The following ABCC11 variants were observed in gnomAD, a reference collection of about 807,000 sequenced individuals.
ABCC11 encodes the protein ATP binding cassette subfamily C member 11.
A neutral mutation model predicts 149.3 loss-of-function variants in ABCC11; 135 were observed. That is an observed-to-expected ratio of 0.90 (90% CI 0.79 to 1.04). The LOEUF (loss-of-function observed/expected upper bound fraction) is 1.04, where lower values mean the gene tolerates loss of function less well. Among genes scored for constraint, ABCC11 ranks in the 50% least tolerant of loss-of-function variants. The pLI, the probability that ABCC11 is intolerant of heterozygous loss-of-function variation, is 0.00. For missense variants in ABCC11, 1,680 were observed against 1,722.1 expected, an observed-to-expected ratio of 0.98 and a Z score of 0.43; for synonymous variants, 665 against 671.4, an observed-to-expected ratio of 0.99 and a Z score of 0.15.
At chr16:48,189,649 G>A (rs1264593810) in intron 20 of ABCC11, among the ~76,000 whole-genome samples, 3 of 152,160 alleles carry the variant, frequency 2.0e-5, no homozygotes, top group African/African-American at 4.8e-5. Context: ...ATGGGCACTG[G>A]ATATTTCTAG....
intron 11 of ABCC11, chr16:48,210,134 C>T (rs1464637887): frequency 1.3e-5 from 2 of 152,084 alleles, no homozygotes; most frequent in Non-Finnish European, 2.9e-5. Flanking sequence ...TGCCATCTCC[C>T]AGGAAACGGA....
At chr16:48,244,864 C>T (rs1971264708) in intron 1 of ABCC11, among the ~76,000 whole-genome samples, 1 of 152,336 alleles carries the variant, frequency 6.6e-6, no homozygotes, top group Admixed American at 6.5e-5. Context: ...CCCTACCGTT[C>T]TGGATAATTT....
rs777737942 is a variant in ABCC11, at chr16:48,196,278, G to A, written c.2358C>T (p.Gly786=). ...GGTGGTAGACCCTCCAACTCAAGGA[G>A]CCTTCTTCCATCTCCTCCTCCTGTG... is the stretch of plus-strand genomic sequence containing the variant. ...QLTQEEEMEE[G]SLSWRVYHHY... is the part of the protein sequence containing the mutation. The change falls in exon 18 of 30, where the codon GGC becomes GGT. Residue 786 remains glycine, a synonymous_variant. Coordinates refer to ENST00000356608, the MANE Select transcript of ABCC11 (RefSeq NM_001370497.1). The A allele has an allele frequency of 6.2e-7, 1 of 1,614,046 alleles. No homozygotes were observed. Among genetic ancestry groups the A allele is most frequent in the Non-Finnish European group, 8.5e-7 (1 of 1,180,038 alleles).
rs1213896040 is a variant in ABCC11, at chr16:48,213,643, T to G, written c.1249-93A>C. The G allele has an allele frequency of 5.3e-6, 5 of 942,362 alleles. No individual in the cohort carries two copies. In the African/African-American group the frequency reaches 8.4e-5, roughly 16 times the overall value. The allele number at this position is 942,362 out of a possible 1,614,324, so 58.4% of individuals were successfully genotyped here. ...GCATCCCTGAGCCACATCCTCAGCA[T>G]CCAACAAGCAGTTGCTTCATCCAAC... On this transcript the variant is annotated intron_variant, in intron 9 of 29. Transcript: ENST00000356608.
At position 48,167,565 on chromosome 16, in the gene ABCC11, C is replaced by T. The variant is rs372637022; in HGVS notation, c.3987G>A (p.Val1329=). Reference sequence around the variant, plus strand: ...TGGTGACACGGTGGGCAATGACGAGCACGGTGCAGCCCTGGAAGGCTTCAC... The same window carrying T: ...TGGTGACACGGTGGGCAATGACGAGTACGGTGCAGCCCTGGAAGGCTTCAC... ...TIREAFQGCT[V]LVIAHRVTTV... is the part of the protein sequence containing the mutation. The change falls in exon 29 of 30, where the codon GTG becomes GTA. Residue 1329 remains valine (V), a synonymous_variant. Coordinates refer to ENST00000356608, the MANE Select transcript of ABCC11 (RefSeq NM_001370497.1). 1,489 of 1,614,148 alleles carry T rather than the reference C, an allele frequency of 9.2e-4. 23 individuals carry two copies. In the South Asian group the frequency reaches 0.016, roughly 17 times the overall value.
chr16:48,224,236 C>G, intron 5 of ABCC11, 46 bp downstream of exon 5: 1 of 1,594,616 alleles, frequency 6.3e-7, no homozygotes. Context: ...ATCGCTAAAC[C>G]TCTGAAGCCT....
At chr16:48,199,924 C>T (rs1274634707) in intron 15 of ABCC11, among the ~76,000 whole-genome samples, 1 of 152,062 alleles carries the variant, frequency 6.6e-6, no homozygotes, top group Admixed American at 6.5e-5. Flanking sequence ...AGTCCTCCTG[C>T]CTTGGCCTCC....
At chr16:48,189,577 G>A (rs555456907) in intron 20 of ABCC11, among the ~76,000 whole-genome samples, 1 of 152,164 alleles carries the variant, frequency 6.6e-6, no homozygotes, top group East Asian at 1.9e-4. Context: ...CACAAAACAC[G>A]TTTTCATGGA....
In ABCC11 at chr16:48,187,311, G is replaced by A; in HGVS notation, c.2823C>T (p.Phe941=). Reference sequence around the variant, plus strand: ...CGATCACCATTAAGGACAGGACCAGGAACTGCTCTGAAAAGATGGGCAAGA... The same window carrying A: ...CGATCACCATTAAGGACAGGACCAGAAACTGCTCTGAAAAGATGGGCAAGA... The part of the protein sequence containing the change: ...DQLLPIFSEQ[F]LVLSLMVIAV... The change falls in exon 21 of 30, where the codon TTC becomes TTT. Residue 941 remains phenylalanine, a synonymous_variant. Transcript: ENST00000356608. 1 of 1,614,174 alleles carries A rather than the reference G, an allele frequency of 6.2e-7. No homozygotes were observed. Among genetic ancestry groups the A allele is most frequent in the Non-Finnish European group, 8.5e-7 (1 of 1,180,036 alleles).
intron 4 of ABCC11, 83 bp from the exon 5 acceptor site, chr16:48,224,512 G>A: frequency 2.0e-6 from 3 of 1,494,900 alleles, no homozygotes; most frequent in Non-Finnish European, 2.7e-6. Flanking sequence ...CAGGAGCTTT[G>A]TTGCAGAAAT....
In ABCC11 at chr16:48,167,594, T is replaced by C. The variant is rs1202056451; in HGVS notation, c.3958A>G (p.Ile1320Val). 6.2e-7 allele frequency: 1 copy of C among 1,612,380 alleles called. No homozygotes were observed. The highest frequency in any genetic ancestry group is 8.5e-7 in the Non-Finnish European group (1 of 1,179,976). The change falls in exon 29 of 30, where the codon ATC becomes GTC. Residue 1320 changes from isoleucine (I) to valine (V), a missense_variant. Ile to Val is a conservative substitution (Grantham distance 29, BLOSUM62 3). Transcript: ENST00000356608. ...GTGCAGCCCTGGAAGGCTTCACGGA[T>C]TGTGCGCTGGATCAGGGTGTCTGTC... Reference protein sequence around the residue: ...METDTLIQRTIREAFQGCTVL... With the variant: ...METDTLIQRTVREAFQGCTVL...
At chr16:48,188,090 T>A (rs903319646) in intron 20 of ABCC11, among the ~76,000 whole-genome samples, 1 of 152,200 alleles carries the variant, frequency 6.6e-6, no homozygotes, top group Non-Finnish European at 1.5e-5. Flanking sequence ...AACTGTCCCT[T>A]AATCTACATG....
chr16:48,238,954 A>AAAAAAC (rs1567296296), intron 1 of ABCC11, among the ~76,000 whole-genome samples: 2 of 150,980 alleles, frequency 1.3e-5, no homozygotes, highest in African/African-American at 4.9e-5. Context: ...AAAAAAAAAA[A>AAAAAAC]AAAAACCATA....
chr16:48,175,583 TA>T (rs1966007937), intron 25 of ABCC11, among the ~76,000 whole-genome samples, 166 bp from the exon 26 acceptor site: 1 of 152,172 alleles, frequency 6.6e-6, no homozygotes. Context: ...CTCCAGGTGA[TA>T]CCTAATGCCA....
intron 28 of ABCC11, among the ~76,000 whole-genome samples, chr16:48,168,525 A>C (rs540179745): frequency 6.6e-6 from 1 of 152,318 alleles, no homozygotes; most frequent in African/African-American, 2.4e-5. Flanking sequence ...GTGAGTATGG[A>C]GAAGGTATGT....
chr16:48,179,342 G>T (rs1966284549), intron 23 of ABCC11, among the ~76,000 whole-genome samples: 1 of 152,212 alleles, frequency 6.6e-6, no homozygotes, highest in African/African-American at 2.4e-5. Flanking sequence ...GGACTCTTGG[G>T]AATTGGGGGC....
At chr16:48,205,967 C>T (rs1385210433) in intron 12 of ABCC11, among the ~76,000 whole-genome samples, 2 of 152,172 alleles carry the variant, frequency 1.3e-5, no homozygotes, top group Non-Finnish European at 2.9e-5. Flanking sequence ...CCTGCCACCA[C>T]GCCCGGCTAA....
intron 6 of ABCC11, among the ~76,000 whole-genome samples, chr16:48,219,377 C>T (rs1267591336): frequency 6.6e-6 from 1 of 152,058 alleles, no homozygotes; most frequent in East Asian, 1.9e-4. Context: ...CGCTCTGTTG[C>T]CAAAGCTGGT....
chr16:48,240,048 A>G (rs1970886067), intron 1 of ABCC11, among the ~76,000 whole-genome samples: 1 of 152,256 alleles, frequency 6.6e-6, no homozygotes, highest in Non-Finnish European at 1.5e-5. Flanking sequence ...GGTTGCAGAG[A>G]AAAAGGAATA....
Sources: gnomAD v4.1 joint callset for allele counts (sites outside exome capture counted in the v4.1 genomes callset) on GRCh38, gnomAD v4.1.1 for gene constraint, MANE v1.5 for transcripts, NCBI Gene and HGNC (gene_info 2026-07-23, HGNC 2026-07-21) for gene names.